Variants in TRHDE observed in about 807,000 individuals in gnomAD.
TRHDE encodes thyrotropin releasing hormone degrading enzyme.
Under a neutral mutation model 125.7 loss-of-function variants are expected in TRHDE, and 72 were observed. The observed-to-expected ratio is 0.57, with a 90% confidence interval of 0.47 to 0.70. The LOEUF is 0.70. Among genes scored for constraint, TRHDE ranks in the 30% least tolerant of loss-of-function variants. TRHDE has a pLI of 0.00. For missense variants in TRHDE, 1,110 were observed against 1,327.1 expected (o/e 0.84, Z 2.54); for synonymous variants, 509 against 509.1 (o/e 1.00, Z 0.00).
At chr12:72,101,080 C>G (rs764983512) in intron 1 of TRHDE, among the ~76,000 whole-genome samples, 8 of 152,298 alleles carry the variant, frequency 5.3e-5, no homozygotes, top group Non-Finnish European at 1.0e-4. Flanking sequence ...ATTTCTGTGT[C>G]AGCATAGCCT....
rs561159179 is a variant in TRHDE at position 72,233,641 on chromosome 12, TTGA to T, written n.279+127895_279+127897del. Among the ~76,000 whole-genome samples, 569 of 152,352 alleles carry T rather than the reference TTGA, an allele frequency of 3.7e-3. 4 individuals are homozygous for T. Among genetic ancestry groups the T allele is most frequent in the Non-Finnish European group, 5.6e-3 (383 of 68,028 alleles). On this transcript the variant is annotated intron_variant and non_coding_transcript_variant, in intron 2 of 4. Coordinates refer to the TRHDE transcript ENST00000548156. ...CATTACTTAGCGTTATTCTAGGTAC[TTGA>T]TGATGTTTTCAGTGCATTTCACTGA...
intron 1 of TRHDE, among the ~76,000 whole-genome samples, chr12:72,096,345 C>G (rs999149320): frequency 1.3e-5 from 2 of 152,160 alleles, no homozygotes; most frequent in African/African-American, 4.8e-5. Context: ...AAAGAGGCTT[C>G]TCTTTTATTT....
At position 72,441,191 on chromosome 12, in the gene TRHDE, G is replaced by A. The variant is rs570338679; in HGVS notation, c.1316-28567G>A. Among the ~76,000 whole-genome samples, 8 of 151,784 alleles carry A rather than the reference G, an allele frequency of 5.3e-5. No individual in the cohort carries two copies. In the South Asian group the frequency reaches 1.7e-3, roughly 32 times the overall value. On this transcript the variant is annotated intron_variant, in intron 3 of 18. Coordinates refer to ENST00000261180, the MANE Select transcript of TRHDE (RefSeq NM_013381.3). ...GTTTTCAGTGGCTATGTTGTAACAG[G>A]CTCTTTCTGTTTTATTTTTGCTGGT...
At chr12:72,132,313 G>A (rs1466782951) in intron 2 of TRHDE, among the ~76,000 whole-genome samples, 5 of 152,244 alleles carry the variant, frequency 3.3e-5, no homozygotes, top group East Asian at 3.9e-4. Flanking sequence ...CCAAAAAAGA[G>A]TTTTGAAGGC....
At chr12:72,361,684 G>A (rs1225353441) in intron 2 of TRHDE, among the ~76,000 whole-genome samples, 4 of 149,036 alleles carry the variant, frequency 2.7e-5, no homozygotes, top group African/African-American at 9.9e-5. Context: ...TTAGCATTAG[G>A]TGTATCTCCT....
chr12:72,252,526 C>T (rs916817181), intron 2 of TRHDE, among the ~76,000 whole-genome samples: 1 of 152,150 alleles, frequency 6.6e-6, no homozygotes, highest in East Asian at 1.9e-4. Context: ...AAATACCACA[C>T]AGTCTTGAGT....
chr12:72,274,415 T>C (rs570557731), intron 1 of TRHDE: 1 of 152,364 alleles, frequency 6.6e-6, no homozygotes, highest in East Asian at 1.9e-4. Flanking sequence ...GTGGAGCTTT[T>C]CACCACTTGT....
intron 2 of TRHDE, among the ~76,000 whole-genome samples, chr12:72,315,501 T>C (rs148933756): frequency 4.5e-4 from 68 of 152,332 alleles, no homozygotes; most frequent in African/African-American, 1.5e-3. Context: ...TCTAGCCTTA[T>C]TGCCATCTAA....
intron 12 of TRHDE, among the ~76,000 whole-genome samples, chr12:72,614,996 A>G (rs563927883): frequency 2.5e-4 from 38 of 152,206 alleles, no homozygotes; most frequent in Admixed American, 1.6e-3. Flanking sequence ...TAAATTGGAG[A>G]AGGAGGAGGG....
intron 2 of TRHDE, among the ~76,000 whole-genome samples, chr12:72,187,354 C>T (rs1436679527): frequency 6.7e-6 from 1 of 150,012 alleles, no homozygotes; most frequent in African/African-American, 2.5e-5. Flanking sequence ...CACACACACA[C>T]ACACACACGA....
chr12:72,490,928 A>T (rs1877647041), intron 5 of TRHDE, among the ~76,000 whole-genome samples: 1 of 151,224 alleles, frequency 6.6e-6, no homozygotes, highest in Non-Finnish European at 1.5e-5. Context: ...TATAAATAAT[A>T]AAATTGTACT....
intron 3 of TRHDE, among the ~76,000 whole-genome samples, chr12:72,422,765 T>C (rs1874013720): frequency 6.6e-6 from 1 of 152,148 alleles, no homozygotes; most frequent in African/African-American, 2.4e-5. Flanking sequence ...CTTGAAAATG[T>C]AATCCTGAAT....
At chr12:72,227,532 G>A (rs1878158101) in intron 2 of TRHDE, among the ~76,000 whole-genome samples, 1 of 152,086 alleles carries the variant, frequency 6.6e-6, no homozygotes, top group Non-Finnish European at 1.5e-5. Context: ...AGATATGGGG[G>A]GACACAGCCA....
chr12:72,565,626 A>G (rs1870405300), intron 9 of TRHDE, among the ~76,000 whole-genome samples: 1 of 152,190 alleles, frequency 6.6e-6, no homozygotes, highest in Non-Finnish European at 1.5e-5. Flanking sequence ...CTCCACAGTC[A>G]TACTTTCCTT....
intron 1 of TRHDE, among the ~76,000 whole-genome samples, chr12:72,099,309 C>A (rs1875012066): frequency 6.6e-6 from 1 of 152,120 alleles, no homozygotes. Context: ...TAATTTGAAT[C>A]TATTAGCCCT....
chr12:72,336,927 C>T (rs1421703061), intron 2 of TRHDE, among the ~76,000 whole-genome samples: 1 of 152,178 alleles, frequency 6.6e-6, no homozygotes, highest in Non-Finnish European at 1.5e-5. Flanking sequence ...TAGCACTACT[C>T]AAAGTGGTCT....
intron 2 of TRHDE, among the ~76,000 whole-genome samples, chr12:72,320,286 A>G (rs147691206): frequency 1.4e-3 from 204 of 151,056 alleles, no homozygotes; most frequent in African/African-American, 4.8e-3. Flanking sequence ...AGTACCTTAT[A>G]TAAAATGGAA....
chr12:72,225,545 C>A (rs1878112211), intron 2 of TRHDE, among the ~76,000 whole-genome samples: 1 of 152,132 alleles, frequency 6.6e-6, no homozygotes, highest in South Asian at 2.1e-4. Flanking sequence ...AAAATTCATT[C>A]AAAAGCTTTT....
At chr12:72,483,045 C>T (rs1025336684) in intron 5 of TRHDE, among the ~76,000 whole-genome samples, 1 of 151,878 alleles carries the variant, frequency 6.6e-6, no homozygotes, top group African/African-American at 2.4e-5. Flanking sequence ...TTGGGCTCTT[C>T]ACTGACCAAA....
Sources: allele counts gnomAD v4.1 joint callset (sites outside exome capture counted in the v4.1 genomes callset), GRCh38; gene constraint gnomAD v4.1.1; transcripts MANE v1.5; gene names NCBI Gene and HGNC (gene_info 2026-07-23, HGNC 2026-07-21).